ZMYM2: variants seen among roughly 807,000 people sequenced by gnomAD.
ZMYM2 encodes zinc finger MYM-type containing 2.
In ZMYM2, 56 loss-of-function variants were observed where a neutral mutation model predicts 162.8. The ratio of observed to expected loss-of-function variants is 0.34; its 90% CI spans 0.28 to 0.43. The LOEUF is 0.43. ZMYM2 is among the 20% of genes least tolerant of loss of function. ZMYM2 has a pLI of 1.00. For missense variants in ZMYM2, 1,275 were observed against 1,621.8 expected, an observed-to-expected ratio of 0.79 and a Z score of 3.67; for synonymous variants, 510 against 541.6, an observed-to-expected ratio of 0.94 and a Z score of 0.81.
intron 2 of ZMYM2, among the ~76,000 whole-genome samples, chr13:19,962,908 G>C (rs542288076): frequency 1.4e-5 from 2 of 144,090 alleles, no homozygotes; most frequent in Admixed American, 1.5e-4. Context: ...TGCAGCCTCC[G>C]CCTCCAGGGT....
At chr13:19,931,899 A>G in the ZMYM2 span, among the ~76,000 whole-genome samples, 3 of 152,236 alleles carry the variant, frequency 2.0e-5, no homozygotes, top group South Asian at 6.2e-4. Flanking sequence ...TCCTGGGATT[A>G]CAGTCGTAAG....
At chr13:19,929,300 G>C in the ZMYM2 span, among the ~76,000 whole-genome samples, 1 of 151,850 alleles carries the variant, frequency 6.6e-6, no homozygotes, top group Admixed American at 6.6e-5. Flanking sequence ...GTGCAGTGGT[G>C]CAATCTCGGC....
In ZMYM2 at chr13:20,077,026, C is replaced by T. The variant is rs558152312; in HGVS notation, c.3454-4990C>T. On this transcript the variant is annotated intron_variant, in intron 21 of 24. Transcript: ENST00000610343. ...TGTGTTTTTAGTAGAGACAGGGTTTCACCGTGTTGGCCAGGTTTGTCTCGT... is the reference window on the plus strand; with the variant it reads ...TGTGTTTTTAGTAGAGACAGGGTTTTACCGTGTTGGCCAGGTTTGTCTCGT... Among the ~76,000 whole-genome samples, 7 of 150,436 alleles carry T rather than the reference C, an allele frequency of 4.7e-5. No individual in the cohort carries two copies. The East Asian group carries it at 1.4e-3, about 29-fold the overall frequency.
At chr13:20,058,099 A>G (rs189518303) in intron 14 of ZMYM2, among the ~76,000 whole-genome samples, 2 of 152,268 alleles carry the variant, frequency 1.3e-5, no homozygotes, top group East Asian at 1.9e-4. Context: ...AAGTTTGAGG[A>G]TATCTTTGGT....
chr13:20,020,322 C>T (rs1190816031), intron 7 of ZMYM2, among the ~76,000 whole-genome samples: 7 of 151,712 alleles, frequency 4.6e-5, no homozygotes, highest in Non-Finnish European at 1.5e-5. Context: ...GCAACCTCCG[C>T]CCCCTGGGTT....
chr13:19,899,430 G>A, the ZMYM2 span, among the ~76,000 whole-genome samples: 2 of 151,652 alleles, frequency 1.3e-5, no homozygotes, highest in African/African-American at 2.4e-5. Flanking sequence ...TACACATTAA[G>A]GAACTAGAAA....
At chr13:20,056,650 G>T (rs1409555367) in intron 14 of ZMYM2, among the ~76,000 whole-genome samples, 2 of 151,654 alleles carry the variant, frequency 1.3e-5, no homozygotes, top group Non-Finnish European at 2.9e-5. Flanking sequence ...CTGTTGGGAA[G>T]ATGTTTGATC....
chr13:19,882,126 T>C, the ZMYM2 span, among the ~76,000 whole-genome samples: 8 of 152,220 alleles, frequency 5.3e-5, no homozygotes, highest in African/African-American at 1.9e-4. Flanking sequence ...TGACCTTGGA[T>C]GTGCCTATGT....
chr13:20,084,305 G>A (rs1358377202), intron 24 of ZMYM2, among the ~76,000 whole-genome samples: 3 of 152,144 alleles, frequency 2.0e-5, no homozygotes, highest in African/African-American at 4.8e-5. Flanking sequence ...GAGCCATTGC[G>A]CCTGTCATTG....
chr13:20,001,013 G>C (rs1333864540), intron 3 of ZMYM2, among the ~76,000 whole-genome samples: 3 of 152,182 alleles, frequency 2.0e-5, no homozygotes, highest in African/African-American at 7.2e-5. Flanking sequence ...CAACCCTCAT[G>C]AATGATGGTG....
chr13:20,067,135 T>C, intron 20 of ZMYM2, 104 bp from the exon 21 acceptor site: 5 of 1,383,830 alleles, frequency 3.6e-6, no homozygotes, highest in Non-Finnish European at 4.8e-6. Flanking sequence ...AAGAATGCAT[T>C]TTATTTTACT....
chr13:20,068,542 A>G (rs1956849020), intron 21 of ZMYM2, among the ~76,000 whole-genome samples: 1 of 152,162 alleles, frequency 6.6e-6, no homozygotes, highest in Non-Finnish European at 1.5e-5. Flanking sequence ...AATCCAAACA[A>G]TGATGAATTC....
At chr13:20,035,415 T>G (rs1953596251) in intron 11 of ZMYM2, among the ~76,000 whole-genome samples, 1 of 152,234 alleles carries the variant, frequency 6.6e-6, no homozygotes, top group African/African-American at 2.4e-5. Flanking sequence ...GTAACCATGT[T>G]TCGCTGTTAT....
the ZMYM2 span, among the ~76,000 whole-genome samples, chr13:19,929,460 G>A: frequency 6.6e-6 from 1 of 151,938 alleles, no homozygotes; most frequent in Admixed American, 6.6e-5. Flanking sequence ...GGATGGTCTC[G>A]ATCTCCTGAC....
Position 20,019,540 on chromosome 13 carries a change from T to C in ZMYM2, c.1513-7T>C, listed in dbSNP as rs1951897778. 1 of 1,571,562 alleles carries C rather than the reference T, an allele frequency of 6.4e-7. No individual in the cohort carries two copies. Among genetic ancestry groups the C allele is most frequent in the African/African-American group, 1.4e-5 (1 of 73,872 alleles). ...TGTTTATAAAGTCTTTTAAAATCTT[T>C]TTTTAGGTAGGTAGCCATCCAAGCT... On this transcript the variant is annotated splice_region_variant and splice_polypyrimidine_tract_variant and intron_variant, in intron 6 of 24. Coordinates refer to ENST00000610343, the MANE Select transcript of ZMYM2 (RefSeq NM_197968.4).
In ZMYM2 at chr13:19,993,150, T is replaced by G. The variant is rs1423018255; in HGVS notation, c.78T>G (p.Thr26=). The change falls in exon 3 of 25, where the codon ACT becomes ACG. Residue 26 remains threonine, a synonymous_variant. Transcript: ENST00000610343. ...TATTAGGGAGTACGGCCATGGCAAC[T>G]AGTCTCACGAATGTAGGAAACTCAT... ...PVLLGSTAMA[T]SLTNVGNSFS... is the part of the protein sequence containing the mutation. 6.2e-7 allele frequency: 1 copy of G among 1,614,016 alleles called. No individual in the cohort carries two copies. The highest frequency in any genetic ancestry group is 1.3e-5 in the African/African-American group (1 of 74,922).
chr13:19,867,472 G>A, the ZMYM2 span, among the ~76,000 whole-genome samples: 1 of 152,264 alleles, frequency 6.6e-6, no homozygotes, highest in South Asian at 2.1e-4. Flanking sequence ...AAGAGACTGA[G>A]GGAATTAATG....
At chr13:19,880,321 G>A in the ZMYM2 span, among the ~76,000 whole-genome samples, 1 of 152,094 alleles carries the variant, frequency 6.6e-6, no homozygotes, top group Non-Finnish European at 1.5e-5. Flanking sequence ...TTCCATTCGT[G>A]TTTTATTTCT....
intron 9 of ZMYM2, among the ~76,000 whole-genome samples, chr13:20,030,303 T>C (rs1952977646): frequency 6.6e-6 from 1 of 150,640 alleles, no homozygotes; most frequent in African/African-American, 2.4e-5. Context: ...TGATCTCGGC[T>C]CACTGCAACC....
Sources: gnomAD v4.1 joint callset for allele counts (sites outside exome capture counted in the v4.1 genomes callset) on GRCh38, gnomAD v4.1.1 for gene constraint, MANE v1.5 for transcripts, NCBI Gene and HGNC (gene_info 2026-07-23, HGNC 2026-07-21) for gene names.